The following ITPK1 variants were observed in gnomAD, a reference collection of about 807,000 sequenced individuals.
The protein encoded by ITPK1 is inositol 1,3,4-trisphosphate 5/6-kinase.
Under a neutral mutation model 45.3 loss-of-function variants are expected in ITPK1, and 21 were observed. The ratio of observed to expected loss-of-function variants is 0.46; its 90% confidence interval spans 0.33 to 0.67. The LOEUF (loss-of-function observed/expected upper bound fraction) is 0.67, where lower values mean the gene tolerates loss of function less well. ITPK1 is among the 30% of genes least tolerant of loss of function. The pLI is 0.02. For synonymous variants in ITPK1, 258 were observed against 253.6 expected (o/e 1.02, Z -0.16); for missense variants, 474 against 573.5 (o/e 0.83, Z 1.77).
At chr14:92,960,309 G>A (rs1885001720) in intron 7 of ITPK1, among the ~76,000 whole-genome samples, 1 of 152,112 alleles carries the variant, frequency 6.6e-6, no homozygotes, top group African/African-American at 2.4e-5. Context: ...GCCCATCAGG[G>A]GCATCCTGAG....
intron 9 of ITPK1, 27 bp from the exon 10 acceptor site, chr14:92,946,520 C>T (rs1444484552): frequency 6.2e-7 from 1 of 1,608,800 alleles, no homozygotes; most frequent in Admixed American, 1.7e-5. Context: ...GGAAGTCAGG[C>T]CATGGGCCGA....
At chr14:93,058,215 C>T (rs191854526) in intron 3 of ITPK1, among the ~76,000 whole-genome samples, 1 of 151,554 alleles carries the variant, frequency 6.6e-6, no homozygotes, top group Non-Finnish European at 1.5e-5. Context: ...AGAAATGAGC[C>T]ATGGGGTGAT....
chr14:93,019,098 C>G (rs1457358611), intron 3 of ITPK1, among the ~76,000 whole-genome samples: 2 of 152,232 alleles, frequency 1.3e-5, no homozygotes, highest in African/African-American at 4.8e-5. Flanking sequence ...GAGCCAAACA[C>G]CAACCCATTT....
At chr14:92,969,112 G>A (rs1003327165) in intron 5 of ITPK1, among the ~76,000 whole-genome samples, 1 of 152,122 alleles carries the variant, frequency 6.6e-6, no homozygotes, top group African/African-American at 2.4e-5. Flanking sequence ...GAAACGTAGA[G>A]TACTACTGTT....
At position 93,074,918 on chromosome 14, in the gene ITPK1, C is replaced by T. The variant is rs187215986; in HGVS notation, c.120+1677G>A. ...TCCCACCCACTCACAGATTTAGGATCCTCCAGGCTGCCAAAACCAATCAAA... is the reference window on the plus strand; with the variant it reads ...TCCCACCCACTCACAGATTTAGGATTCTCCAGGCTGCCAAAACCAATCAAA... On this transcript the variant is annotated intron_variant, in intron 3 of 10. Coordinates refer to ENST00000267615, the MANE Select transcript of ITPK1 (RefSeq NM_014216.6). Among the ~76,000 whole-genome samples the T allele has an allele frequency of 2.0e-5, 3 of 152,284 alleles. No individual in the cohort carries two copies. In the East Asian group the frequency reaches 5.8e-4, roughly 29 times the overall value.
intron 3 of ITPK1, among the ~76,000 whole-genome samples, chr14:93,051,560 G>C (rs1187031494): frequency 6.8e-6 from 1 of 146,516 alleles, no homozygotes; most frequent in African/African-American, 2.5e-5. Flanking sequence ...AGATTGCAGT[G>C]AGTCCAGATC....
chr14:93,021,667 A>C (rs928191057), intron 3 of ITPK1, among the ~76,000 whole-genome samples: 2 of 152,148 alleles, frequency 1.3e-5, no homozygotes, highest in Non-Finnish European at 1.5e-5. Context: ...GTGTGTTTTC[A>C]GTGGGTTTGA....
chr14:92,958,477 C>T lies in ITPK1; in HGVS notation c.505-111G>A, dbSNP rs1884872311. The T allele has an allele frequency of 2.8e-6, 3 of 1,065,668 alleles. No individual in the cohort carries two copies. Among genetic ancestry groups the T allele is most frequent in the Non-Finnish European group, 4.2e-6 (3 of 720,152 alleles). 66.0% of individuals were successfully genotyped at this position (1,065,668 alleles called of 1,614,324 possible). A position where few individuals can be genotyped will look rare whatever the true frequency, so the allele number is the denominator to read the frequency against. ...CCTCCACCAAGGCCCATCCCTGGTCCTGTGGCATGAGGACTCCCCTAGAGG... is the reference window on the plus strand; with the variant it reads ...CCTCCACCAAGGCCCATCCCTGGTCTTGTGGCATGAGGACTCCCCTAGAGG... On this transcript the variant is annotated intron_variant, in intron 7 of 10. Coordinates refer to ENST00000267615, the MANE Select transcript of ITPK1 (RefSeq NM_014216.6). The surrounding 1 kb of genome is among the most constrained non-coding windows in gnomAD (Gnocchi z 4.4).
chr14:92,944,035 C>T (rs374761971), intron 10 of ITPK1, among the ~76,000 whole-genome samples: 1 of 152,222 alleles, frequency 6.6e-6, no homozygotes, highest in Non-Finnish European at 1.5e-5. Context: ...TTCCAGCGGC[C>T]CTTTGCACAA....
intron 3 of ITPK1, among the ~76,000 whole-genome samples, chr14:93,024,098 G>A (rs201395414): frequency 1.3e-5 from 2 of 152,178 alleles, no homozygotes; most frequent in East Asian, 3.8e-4. Context: ...GATCCACAAG[G>A]TGGGGAGTCA....
At chr14:93,060,299 G>C (rs1264310972) in intron 3 of ITPK1, among the ~76,000 whole-genome samples, 1 of 152,158 alleles carries the variant, frequency 6.6e-6, no homozygotes, top group African/African-American at 2.4e-5. Flanking sequence ...TGCTTTCAAG[G>C]CTCTCTTTGA....
At chr14:93,003,834 C>T (rs1410071995) in intron 4 of ITPK1, among the ~76,000 whole-genome samples, 1 of 152,214 alleles carries the variant, frequency 6.6e-6, no homozygotes, top group Non-Finnish European at 1.5e-5. Flanking sequence ...AGTCAAGAAA[C>T]TTGGGTTACA....
intron 5 of ITPK1, 37 bp from the exon 6 acceptor site, chr14:92,962,886 G>C (rs1473202531): frequency 6.8e-7 from 1 of 1,472,894 alleles, no homozygotes; most frequent in Non-Finnish European, 9.4e-7. Context: ...CACAGCTCCT[G>C]GGCAGCCGCC....
At chr14:92,961,882 C>T (rs902167341) in intron 7 of ITPK1, among the ~76,000 whole-genome samples, 1 of 152,248 alleles carries the variant, frequency 6.6e-6, no homozygotes, top group East Asian at 1.9e-4. Flanking sequence ...CTTTCTGCCC[C>T]TCCCCATTCA....
Position 93,012,525 on chromosome 14 carries a change from G to A in ITPK1, c.246+4151C>T, listed in dbSNP as rs1165663784. On this transcript the variant is annotated intron_variant, in intron 4 of 10. Transcript: ENST00000267615. This position sits in a 1 kb window ranked among gnomAD's most constrained non-coding sequence, Gnocchi z 4.9. ...ATGGCCTTCAGTGTCACAGCAATAA[G>A]AAAGCATGGGATGTTTTAAGCCAAG... Among the ~76,000 whole-genome samples the A allele has an allele frequency of 6.6e-6, 1 of 152,154 alleles. No individual in the cohort carries two copies.
chr14:93,066,606 G>A (rs548790041), intron 3 of ITPK1, among the ~76,000 whole-genome samples: 11 of 152,042 alleles, frequency 7.2e-5, no homozygotes, highest in Non-Finnish European at 1.0e-4. Flanking sequence ...GGGTTTCACC[G>A]TGTTAGCCAG....
At chr14:92,965,779 G>A (rs183818826) in intron 5 of ITPK1, among the ~76,000 whole-genome samples, 120 of 152,262 alleles carry the variant, frequency 7.9e-4, no homozygotes, top group Non-Finnish European at 1.6e-3. Flanking sequence ...CAAAGCAGGC[G>A]GATCACCTGA....
chr14:92,938,533 A>T lies in ITPK1; in HGVS notation c.*3028T>A, dbSNP rs1281385139. ...AAGCACACTTGGCAGTCCCCTGGGT[A>T]CAGAGAGGAATGTTTTTCCCAGGTT... On this transcript the variant is annotated 3_prime_UTR_variant, in exon 11 of 11. Coordinates refer to ENST00000267615, the MANE Select transcript of ITPK1 (RefSeq NM_014216.6). The T allele has an allele frequency of 8.1e-6, 13 of 1,611,234 alleles. No homozygotes were observed. The highest frequency in any genetic ancestry group is 1.1e-5 in the Non-Finnish European group (13 of 1,177,482).
At chr14:93,021,942 G>A (rs903044283) in intron 3 of ITPK1, among the ~76,000 whole-genome samples, 2 of 152,164 alleles carry the variant, frequency 1.3e-5, no homozygotes, top group Admixed American at 1.3e-4. Flanking sequence ...GGGAAGAAAC[G>A]GCAAACTCGT....
Sources: gnomAD v4.1 joint callset for allele counts (sites outside exome capture counted in the v4.1 genomes callset) on GRCh38, gnomAD v4.1.1 for gene constraint, Gnocchi (gnomAD v3.1) non-coding constraint, MANE v1.5 for transcripts, NCBI Gene and HGNC (gene_info 2026-07-23, HGNC 2026-07-21) for gene names.